Variants in COL25A1 observed in about 807,000 individuals in gnomAD.
COL25A1 encodes collagen alpha-1(XXV) chain.
Under a neutral mutation model 128.4 loss-of-function variants are expected in COL25A1, and 103 were observed. The ratio of observed to expected loss-of-function variants is 0.80; its 90% CI spans 0.68 to 0.94. COL25A1 has a LOEUF of 0.94. Among genes scored for constraint, COL25A1 ranks in the 40% least tolerant of loss-of-function variants. The pLI, the probability that COL25A1 is intolerant of heterozygous loss-of-function variation, is 0.00. For synonymous variants in COL25A1, 279 were observed against 277.2 expected, an observed-to-expected ratio of 1.01 and a Z score of -0.06; for missense variants, 745 against 840.0, an observed-to-expected ratio of 0.89 and a Z score of 1.40.
intron 19 of COL25A1, among the ~76,000 whole-genome samples, chr4:108,870,113 G>A (rs997784475): frequency 1.1e-4 from 16 of 152,008 alleles, no homozygotes; most frequent in South Asian, 2.1e-4. Flanking sequence ...AAAATTAGCC[G>A]GGTGTGATGG....
At chr4:108,917,368 C>T (rs1426473911) in intron 13 of COL25A1, among the ~76,000 whole-genome samples, 1 of 152,090 alleles carries the variant, frequency 6.6e-6, no homozygotes, top group Admixed American at 6.6e-5. Context: ...GATAATGGGT[C>T]GCAGAGTATA....
chr4:108,907,249 C>T (rs568110418), intron 13 of COL25A1, among the ~76,000 whole-genome samples: 3 of 152,204 alleles, frequency 2.0e-5, no homozygotes, highest in Admixed American at 6.5e-5. Context: ...CAAGAAAAAC[C>T]CTCCAGGACT....
rs758259765 is a variant in COL25A1, at chr4:108,869,161, A to G, written c.1021-11T>C. On this transcript the variant is annotated splice_polypyrimidine_tract_variant and intron_variant, in intron 19 of 37. Coordinates refer to ENST00000399132, the MANE Select transcript of COL25A1 (RefSeq NM_198721.4). ...GAAACCTGGTTCTCCCTTTAAAAAC[A>G]TGGGCATATGAGATCATTAATCATT... The G allele has an allele frequency of 2.1e-6, 3 of 1,403,538 alleles. No homozygotes were observed. The highest frequency in any genetic ancestry group is 2.9e-6 in the Non-Finnish European group (3 of 1,030,432). The allele number at this position is 1,403,538 out of a possible 1,614,324, so 86.9% of individuals were successfully genotyped here.
intron 13 of COL25A1, among the ~76,000 whole-genome samples, chr4:108,902,542 G>C (rs541968244): frequency 5.3e-5 from 8 of 152,092 alleles, no homozygotes; most frequent in African/African-American, 1.9e-4. Flanking sequence ...ATAAATGACT[G>C]TCAGAATGTG....
rs548866807 is a variant in COL25A1, at chr4:108,869,041, GAAAGAAAGAA to G, written c.1083+37_1083+46del. The G allele has an allele frequency of 5.0e-3, 5,976 of 1,190,298 alleles. 42 individuals carry two copies. The highest frequency in any genetic ancestry group is 0.016 in the South Asian group (1,244 of 75,688). 73.7% of individuals were successfully genotyped at this position (1,190,298 alleles called of 1,614,324 possible). A position where few individuals can be genotyped will look rare whatever the true frequency, so the allele number is the denominator to read the frequency against. ...GAAAGGAAAGAAGGAAGGAAGAAAA[GAAAGAAAGAA>G]AAAGAAAGAAAGAAGGAAAGAAAGA... On this transcript the variant is annotated intron_variant, in intron 20 of 37. Transcript: ENST00000399132.
At chr4:108,982,689 TAA>T (rs1200681649) in intron 6 of COL25A1, among the ~76,000 whole-genome samples, 1 of 152,132 alleles carries the variant, frequency 6.6e-6, no homozygotes, top group African/African-American at 2.4e-5. Context: ...TACTGAAGAT[TAA>T]AAGAGACCAA....
At chr4:109,167,640 C>A (rs548611899) in intron 3 of COL25A1, among the ~76,000 whole-genome samples, 1 of 152,230 alleles carries the variant, frequency 6.6e-6, no homozygotes, top group East Asian at 1.9e-4. Flanking sequence ...ACTTTCCCTC[C>A]CTACTTCTCT....
chr4:109,177,865 T>C (rs1373466210), intron 3 of COL25A1, among the ~76,000 whole-genome samples: 1 of 152,236 alleles, frequency 6.6e-6, no homozygotes, highest in African/African-American at 2.4e-5. Context: ...GACTGCAAAC[T>C]GCCTGTTAGC....
chr4:108,823,878 T>A (rs1320782285), intron 35 of COL25A1: 3 of 1,368,870 alleles, frequency 2.2e-6, no homozygotes, highest in Non-Finnish European at 2.8e-6. Context: ...TAAAATGATT[T>A]TTTTTTCAAA....
At chr4:109,012,580 C>A (rs868162264) in intron 5 of COL25A1, among the ~76,000 whole-genome samples, 2 of 151,290 alleles carry the variant, frequency 1.3e-5, no homozygotes, top group African/African-American at 4.8e-5. Context: ...GCCGGCCAGC[C>A]GGCGGTGCCA....
At chr4:108,836,940 A>G (rs1733883896) in intron 31 of COL25A1, among the ~76,000 whole-genome samples, 1 of 152,096 alleles carries the variant, frequency 6.6e-6, no homozygotes, top group South Asian at 2.1e-4. Context: ...TTAGCTGGGC[A>G]TGGTGGCATG....
At chr4:108,874,523 A>C (rs1223604954) in intron 19 of COL25A1, among the ~76,000 whole-genome samples, 1 of 152,140 alleles carries the variant, frequency 6.6e-6, no homozygotes, top group African/African-American at 2.4e-5. Flanking sequence ...TCTAAATCAT[A>C]ATTTCAAAAT....
At position 109,010,214 on chromosome 4, in the gene COL25A1, C is replaced by T. The variant is rs921485037; in HGVS notation, c.438+144G>A. On this transcript the variant is annotated intron_variant, in intron 6 of 37. Transcript: ENST00000399132. ...ACCCTGAAGAGGCCCCAAGGGTTTA[C>T]TCCTGGGAAATATTTGGTCTACTGT... 28 of 678,772 alleles carry T rather than the reference C, an allele frequency of 4.1e-5. No individual in the cohort carries two copies. In the Admixed American group the frequency reaches 5.0e-4, roughly 12 times the overall value. 42.0% of individuals were successfully genotyped at this position (678,772 alleles called of 1,614,324 possible). A position where few individuals can be genotyped will look rare whatever the true frequency, so the allele number is the denominator to read the frequency against.
chr4:109,197,437 T>C (rs1266700985), intron 3 of COL25A1, among the ~76,000 whole-genome samples: 1 of 123,786 alleles, frequency 8.1e-6, no homozygotes, highest in Non-Finnish European at 1.6e-5. Context: ...ATAAATATTA[T>C]ATATTATATA....
At chr4:108,951,243 A>G (rs1421487601) in intron 8 of COL25A1, among the ~76,000 whole-genome samples, 5 of 152,198 alleles carry the variant, frequency 3.3e-5, no homozygotes, top group Non-Finnish European at 7.3e-5. Flanking sequence ...CGAAGGTGCC[A>G]TGCCATGTGA....
intron 11 of COL25A1, 59 bp downstream of exon 11, chr4:108,937,749 T>C (rs1747607773): frequency 1.4e-5 from 19 of 1,384,908 alleles, no homozygotes; most frequent in Admixed American, 4.2e-5. Flanking sequence ...ACACATAATC[T>C]TGACCATAGT....
intron 35 of COL25A1, among the ~76,000 whole-genome samples, chr4:108,823,614 C>T (rs910754808): frequency 6.6e-6 from 1 of 152,150 alleles, no homozygotes; most frequent in East Asian, 1.9e-4. Flanking sequence ...ATAAAATACA[C>T]CAATATCTCT....
At chr4:108,899,293 T>C (rs1390978623) in intron 14 of COL25A1, 113 bp from the exon 15 acceptor site, 4 of 889,928 alleles carry the variant, frequency 4.5e-6, no homozygotes, top group Non-Finnish European at 6.8e-6. Flanking sequence ...CATGACATTT[T>C]CTATTTTGGC....
chr4:108,864,683 T>G (rs573955737), intron 20 of COL25A1, among the ~76,000 whole-genome samples: 2 of 152,190 alleles, frequency 1.3e-5, no homozygotes, highest in African/African-American at 4.8e-5. Flanking sequence ...TATTGTGGAT[T>G]GGATCCCTGG....
Sources: gnomAD v4.1 joint callset for allele counts (sites outside exome capture counted in the v4.1 genomes callset) on GRCh38, gnomAD v4.1.1 for gene constraint, MANE v1.5 for transcripts, NCBI Gene and HGNC (gene_info 2026-07-23, HGNC 2026-07-21) for gene names.